The following OR56A3 variants were observed in gnomAD, a reference collection of about 807,000 sequenced individuals.
OR56A3 encodes olfactory receptor 56A3.
In OR56A3, 23 loss-of-function variants were observed where a neutral mutation model predicts 17.5. That is an observed-to-expected ratio of 1.32 (90% CI 0.95 to 1.87). The LOEUF (loss-of-function observed/expected upper bound fraction) is 1.87, where lower values mean the gene tolerates loss of function less well. OR56A3 is among the 40% of genes most tolerant of loss of function. The probability of loss-of-function intolerance (pLI) is 0.00; values close to 1 mark genes in which losing one functional copy is unlikely to be tolerated. For synonymous variants in OR56A3, 175 were observed against 150.6 expected, an observed-to-expected ratio of 1.16 and a Z score of -1.19; for missense variants, 366 against 380.1, an observed-to-expected ratio of 0.96 and a Z score of 0.31.
Position 5,951,278 on chromosome 11 carries a change from G to A in OR56A3, c.*2984G>A, listed in dbSNP as rs1340974739. ...TAGAGTAATCGACAGACATTAATAC[G>A]TTAAAGGTTTATCAGAAGGTAAATG... is the stretch of plus-strand genomic sequence containing the variant. On this transcript the variant is annotated 3_prime_UTR_variant, in exon 3 of 3. Transcript: ENST00000641160. 5 of 151,998 alleles carry A rather than the reference G, an allele frequency of 3.3e-5. No homozygotes were observed. Among genetic ancestry groups the A allele is most frequent in the Non-Finnish European group, 5.9e-5 (4 of 67,970 alleles). 9.4% of individuals were successfully genotyped at this position (151,998 alleles called of 1,614,324 possible).
At chr11:6,005,962 T>C in the OR56A3 span, among the ~76,000 whole-genome samples, 5 of 152,080 alleles carry the variant, frequency 3.3e-5, no homozygotes, top group Non-Finnish European at 2.9e-5. Flanking sequence ...TCGTGGAAGG[T>C]AGGGAGGCTT....
the OR56A3 span, among the ~76,000 whole-genome samples, chr11:5,978,419 T>A: frequency 1.3e-5 from 2 of 152,184 alleles, no homozygotes; most frequent in Admixed American, 1.3e-4. Context: ...GTAGAGATAT[T>A]TTATCTCCTG....
chr11:5,977,289 A>C, the OR56A3 span, among the ~76,000 whole-genome samples: 1 of 152,166 alleles, frequency 6.6e-6, no homozygotes, highest in Admixed American at 6.5e-5. Flanking sequence ...GAAATCTCCA[A>C]ACTGCTTTCC....
the OR56A3 span, among the ~76,000 whole-genome samples, chr11:5,995,210 C>T: frequency 1.3e-5 from 2 of 152,224 alleles, no homozygotes; most frequent in Admixed American, 1.3e-4. Flanking sequence ...AGCTGACGAC[C>T]ACTTTAACAT....
the OR56A3 span, chr11:5,968,401 GAGAC>G: frequency 2.5e-6 from 4 of 1,612,056 alleles, no homozygotes; most frequent in Non-Finnish European, 3.4e-6. Context: ...CTGAGGGGCA[GAGAC>G]AGCCAGTGCT....
the OR56A3 span, among the ~76,000 whole-genome samples, chr11:5,973,093 C>A: frequency 6.6e-6 from 1 of 152,120 alleles, no homozygotes; most frequent in Non-Finnish European, 1.5e-5. Context: ...AACTGAAATT[C>A]AACTCCACTA....
chr11:5,960,495 G>A, the OR56A3 span, among the ~76,000 whole-genome samples: 6 of 152,214 alleles, frequency 3.9e-5, no homozygotes, highest in Non-Finnish European at 7.3e-5. Context: ...TCCTGACCGC[G>A]AGTGGTCTGC....
chr11:5,995,733 G>C, the OR56A3 span, among the ~76,000 whole-genome samples: 1 of 152,040 alleles, frequency 6.6e-6, no homozygotes, highest in East Asian at 1.9e-4. Context: ...TCATTTTTGT[G>C]GTGAGAACAC....
chr11:5,959,015 T>C, the OR56A3 span, among the ~76,000 whole-genome samples: 1 of 152,212 alleles, frequency 6.6e-6, no homozygotes, highest in African/African-American at 2.4e-5. Context: ...CACATTTTAT[T>C]TTCATTAATC....
the OR56A3 span, chr11:6,002,635 C>G: frequency 6.2e-7 from 1 of 1,614,084 alleles, no homozygotes; most frequent in Non-Finnish European, 8.5e-7. Context: ...TAGGCCATGA[C>G]CATGAACGTG....
chr11:6,021,409 C>T, the OR56A3 span: 1 of 151,886 alleles, frequency 6.6e-6, no homozygotes, highest in Non-Finnish European at 1.5e-5. Flanking sequence ...TGAATATACC[C>T]AACACAAAGT....
the OR56A3 span, chr11:6,003,091 G>C: frequency 1.2e-6 from 2 of 1,608,376 alleles, no homozygotes; most frequent in Non-Finnish European, 1.7e-6. Flanking sequence ...GTAGAGTGTG[G>C]GTTTCCACTG....
At chr11:6,005,327 CA>C in the OR56A3 span, among the ~76,000 whole-genome samples, 1 of 152,002 alleles carries the variant, frequency 6.6e-6, no homozygotes, top group Non-Finnish European at 1.5e-5. Context: ...AAGGTAAGAA[CA>C]AAAAAACCTG....
chr11:5,998,654 A>G, the OR56A3 span, among the ~76,000 whole-genome samples: 1 of 152,322 alleles, frequency 6.6e-6, no homozygotes, highest in East Asian at 1.9e-4. Context: ...TTGGACTAAA[A>G]TAAGAACCCA....
chr11:5,967,997 A>G, the OR56A3 span: 2 of 1,590,742 alleles, frequency 1.3e-6, no homozygotes, highest in Non-Finnish European at 1.7e-6. Context: ...TGAGTCGAGA[A>G]GAAAGTATGG....
chr11:5,957,618 G>C, the OR56A3 span, among the ~76,000 whole-genome samples: 1 of 152,072 alleles, frequency 6.6e-6, no homozygotes, highest in Non-Finnish European at 1.5e-5. Flanking sequence ...TCTGAAGCCC[G>C]CAAGATTCTA....
chr11:5,986,684 T>C, the OR56A3 span: 1 of 1,613,904 alleles, frequency 6.2e-7, no homozygotes, highest in Non-Finnish European at 8.5e-7. Flanking sequence ...GCAGCTAGCA[T>C]GGACAGGAAG....
At chr11:5,967,541 T>G in the OR56A3 span, 1 of 1,520,670 alleles carries the variant, frequency 6.6e-7, no homozygotes. Flanking sequence ...CAGGTTGCAT[T>G]CATTTTATTT....
At chr11:5,955,198 A>G (rs1847926259), downstream of OR56A3, among the ~76,000 whole-genome samples, 1 of 152,236 alleles carries the variant, frequency 6.6e-6, no homozygotes, top group Non-Finnish European at 1.5e-5. Flanking sequence ...CTGTAGTAGT[A>G]TGTAACTAGC....
Sources: allele counts gnomAD v4.1 joint callset (sites outside exome capture counted in the v4.1 genomes callset), GRCh38; gene constraint gnomAD v4.1.1; transcripts MANE v1.5; gene names NCBI Gene and HGNC (gene_info 2026-07-23, HGNC 2026-07-21).